The following PCDHA11 variants were observed in gnomAD, a reference collection of about 807,000 sequenced individuals.
PCDHA11 encodes protocadherin alpha 11.
A neutral mutation model predicts 70.3 loss-of-function variants in PCDHA11; 61 were observed. The observed-to-expected ratio is 0.87, with a 90% CI of 0.71 to 1.07. The LOEUF is 1.07. Among genes scored for constraint, PCDHA11 ranks in the 50% least tolerant of loss-of-function variants. The pLI is 0.00. For synonymous variants in PCDHA11, 633 were observed against 555.1 expected (o/e 1.14, Z -1.97); for missense variants, 1,324 against 1,237.5 (o/e 1.07, Z -1.05).
intron 1 of PCDHA11, among the ~76,000 whole-genome samples, chr5:140,918,414 T>G (rs2078683449): frequency 6.6e-6 from 1 of 152,198 alleles, no homozygotes; most frequent in African/African-American, 2.4e-5. Context: ...TGGCCAGGAC[T>G]TCCAGTAGGA....
intron 1 of PCDHA11, among the ~76,000 whole-genome samples, chr5:140,941,439 G>A (rs187782763): frequency 1.3e-5 from 2 of 149,420 alleles, no homozygotes; most frequent in East Asian, 2.0e-4. Context: ...CCTCAGCCTC[G>A]GGAGTAGCTG....
chr5:140,978,642 C>T (rs140934683), intron 1 of PCDHA11, among the ~76,000 whole-genome samples: 126 of 152,354 alleles, frequency 8.3e-4, no homozygotes, highest in African/African-American at 2.8e-3. Context: ...TCAAAGCAGA[C>T]TGTTCTTCCC....
At chr5:140,955,684 G>A (rs1231376434) in intron 1 of PCDHA11, among the ~76,000 whole-genome samples, 2 of 152,156 alleles carry the variant, frequency 1.3e-5, no homozygotes, top group African/African-American at 4.8e-5. Flanking sequence ...TTCGAAATCT[G>A]TGATGAATGT....
chr5:141,010,124 G>A lies in PCDHA11; in HGVS notation c.*187G>A. ...GGTTTTGTCGTAAAAGCTTTACTAAGTCTGGTGTTAACTCTTTCTCTCCAC... is the reference window on the plus strand; with the variant it reads ...GGTTTTGTCGTAAAAGCTTTACTAAATCTGGTGTTAACTCTTTCTCTCCAC... On this transcript the variant is annotated 3_prime_UTR_variant, in exon 4 of 4. Coordinates refer to ENST00000398640, the MANE Select transcript of PCDHA11 (RefSeq NM_018902.5). The A allele has an allele frequency of 1.2e-6, 2 of 1,605,172 alleles. No homozygotes were observed. The highest frequency in any genetic ancestry group is 1.7e-6 in the Non-Finnish European group (2 of 1,175,146).
At position 140,875,743 on chromosome 5, in the gene PCDHA11, G is replaced by T. The variant is rs782705899; in HGVS notation, c.2391+4249G>T. ...CATTTTGTTTGTGAATTCTCGGATCGACCGCGAGAAGCTGTGCGGGCGGAG... is the reference window on the plus strand; with the variant it reads ...CATTTTGTTTGTGAATTCTCGGATCTACCGCGAGAAGCTGTGCGGGCGGAG... On this transcript the variant is annotated intron_variant, in intron 1 of 3. Coordinates refer to ENST00000398640, the MANE Select transcript of PCDHA11 (RefSeq NM_018902.5). 1.8e-5 allele frequency: 29 copies of T among 1,614,226 alleles called. No individual in the cohort carries two copies. The highest frequency in any genetic ancestry group is 2.2e-5 in the Non-Finnish European group (26 of 1,180,038).
intron 1 of PCDHA11, among the ~76,000 whole-genome samples, chr5:140,881,049 A>C (rs990514512): frequency 6.6e-6 from 1 of 152,238 alleles, no homozygotes; most frequent in Admixed American, 6.5e-5. Flanking sequence ...AGAGTTGTGC[A>C]CAGAACAGGC....
intron 1 of PCDHA11, among the ~76,000 whole-genome samples, chr5:140,964,393 C>T (rs782008532): frequency 6.6e-6 from 1 of 152,098 alleles, no homozygotes; most frequent in Admixed American, 6.5e-5. Context: ...GTTTTTCTCC[C>T]AAGACATGAC....
chr5:140,977,266 A>G (rs2096753154), intron 1 of PCDHA11, among the ~76,000 whole-genome samples: 3 of 152,240 alleles, frequency 2.0e-5, no homozygotes, highest in Admixed American at 1.3e-4. Context: ...CAGATGTTAC[A>G]GTCTTTCTCA....
intron 1 of PCDHA11, chr5:140,929,120 A>G (rs781922658): frequency 6.2e-7 from 1 of 1,614,062 alleles, no homozygotes; most frequent in East Asian, 2.2e-5. Flanking sequence ...GCCACCATAG[A>G]TGTCACTACA....
chr5:140,945,597 A>G (rs374286655), intron 1 of PCDHA11, among the ~76,000 whole-genome samples: 11 of 152,170 alleles, frequency 7.2e-5, no homozygotes, highest in Non-Finnish European at 1.2e-4. Context: ...CTTCAAAGCT[A>G]TAATAATCAA....
chr5:140,908,816 G>T (rs1606122), intron 1 of PCDHA11, among the ~76,000 whole-genome samples: 42,837 of 152,040 alleles, frequency 0.28, 6,902 homozygotes, highest in East Asian at 0.53. Flanking sequence ...AGAGCCTTTT[G>T]GGTTACTCGA....
intron 1 of PCDHA11, chr5:140,877,772 C>A (rs372461540): frequency 1.2e-6 from 2 of 1,614,152 alleles, no homozygotes; most frequent in Non-Finnish European, 1.7e-6. Context: ...CCGCCCAAGA[C>A]GGACCTCATG....
At chr5:140,989,325 G>A (rs1389327103) in intron 3 of PCDHA11, among the ~76,000 whole-genome samples, 5 of 152,164 alleles carry the variant, frequency 3.3e-5, no homozygotes, top group African/African-American at 1.2e-4. Flanking sequence ...CACCAACTTT[G>A]CCACCTGACT....
At position 140,869,878 on chromosome 5, in the gene PCDHA11, A is replaced by T; in HGVS notation, c.775A>T (p.Thr259Ser). 1 of 1,610,122 alleles carries T rather than the reference A, an allele frequency of 6.2e-7. No homozygotes were observed. Among genetic ancestry groups the T allele is most frequent in the Non-Finnish European group, 8.5e-7 (1 of 1,178,030 alleles). ...VSLMENAAKE[T>S]LVLKLNATDR... Reference sequence around the variant, plus strand: ...CCTTATGGAAAATGCTGCTAAAGAAACTCTTGTGCTCAAACTAAACGCCAC... The same window carrying T: ...CCTTATGGAAAATGCTGCTAAAGAATCTCTTGTGCTCAAACTAAACGCCAC... Residue 259 changes from threonine (T) to serine (S), a missense_variant, in exon 1 of 4, where the codon ACT (threonine) becomes TCT (serine). Coordinates refer to ENST00000398640, the MANE Select transcript of PCDHA11 (RefSeq NM_018902.5).
intron 1 of PCDHA11, among the ~76,000 whole-genome samples, chr5:140,901,220 TC>T (rs1383510008): frequency 6.6e-6 from 1 of 152,200 alleles, no homozygotes; most frequent in Non-Finnish European, 1.5e-5. Context: ...GTTGATGTGA[TC>T]CCATATATCC....
chr5:140,927,349 G>A (rs782650880), intron 1 of PCDHA11: 3 of 1,614,016 alleles, frequency 1.9e-6, no homozygotes, highest in Admixed American at 1.7e-5. Context: ...AGATGACGAC[G>A]AGGGAAGCAA....
intron 1 of PCDHA11, chr5:140,966,543 A>C (rs200134570): frequency 6.5e-6 from 3 of 461,074 alleles, no homozygotes; most frequent in Admixed American, 4.3e-5. Context: ...AGCGACTCGG[A>C]GGCGAGCGGA....
chr5:140,894,574 T>C (rs997238240), intron 1 of PCDHA11, among the ~76,000 whole-genome samples: 2 of 152,002 alleles, frequency 1.3e-5, no homozygotes, highest in African/African-American at 2.4e-5. Context: ...TTTTCCTTTT[T>C]TTTAATATTT....
In PCDHA11 at chr5:141,010,365, A is replaced by G; in HGVS notation, c.*428A>G. 6.8e-7 allele frequency: 1 copy of G among 1,480,028 alleles called. No individual in the cohort carries two copies. The highest frequency in any genetic ancestry group is 1.3e-5 in the South Asian group (1 of 75,134). The allele number at this position is 1,480,028 out of a possible 1,614,324, so 91.7% of individuals were successfully genotyped here. On this transcript the variant is annotated 3_prime_UTR_variant, in exon 4 of 4. Coordinates refer to ENST00000398640, the MANE Select transcript of PCDHA11 (RefSeq NM_018902.5). Reference sequence around the variant, plus strand: ...CTGGGTATGTGTGGCTACCGCGGGTATGCGAGTGCCAGATATTGGCTGAGA... The same window carrying G: ...CTGGGTATGTGTGGCTACCGCGGGTGTGCGAGTGCCAGATATTGGCTGAGA...
Sources: gnomAD v4.1 joint callset for allele counts (sites outside exome capture counted in the v4.1 genomes callset) on GRCh38, gnomAD v4.1.1 for gene constraint, MANE v1.5 for transcripts, NCBI Gene and HGNC (gene_info 2026-07-23, HGNC 2026-07-21) for gene names.